The following MMP26 variants were observed in gnomAD, a reference collection of about 807,000 sequenced individuals.
MMP26 encodes the protein matrix metalloproteinase-26.
Under a neutral mutation model 31.0 loss-of-function variants are expected in MMP26, and 33 were observed. The observed-to-expected ratio is 1.06, with a 90% CI of 0.81 to 1.42. MMP26 has a LOEUF of 1.42. MMP26 is among the 40% of genes most tolerant of loss of function. The pLI, the probability that MMP26 is intolerant of heterozygous loss-of-function variation, is 0.00. For synonymous variants in MMP26, 122 were observed against 114.9 expected, an observed-to-expected ratio of 1.06 and a Z score of -0.40; for missense variants, 347 against 316.1, an observed-to-expected ratio of 1.10 and a Z score of -0.74.
At chr11:4,944,745 C>G (rs1342074076) in intron 2 of MMP26, 1 of 151,738 alleles carries the variant, frequency 6.6e-6, no homozygotes, top group Non-Finnish European at 1.5e-5. Flanking sequence ...AGCCACAAAT[C>G]CAAGGCAATA....
intron 2 of MMP26, among the ~76,000 whole-genome samples, chr11:4,904,703 G>A (rs10500632): frequency 0.084 from 12,822 of 151,988 alleles, 673 homozygotes; most frequent in Non-Finnish European, 0.12. Flanking sequence ...TGACTTTACC[G>A]CTTAAAATAT....
chr11:4,786,493 CTT>C (rs66987352), intron 2 of MMP26, among the ~76,000 whole-genome samples: 24,052 of 56,656 alleles, frequency 0.42, 5,169 homozygotes, highest in Non-Finnish European at 0.47. Context: ...TCTGCTGATC[CTT>C]TTTTTTTTTT....
At chr11:4,748,465 C>A in intron 1 of MMP26, among the ~76,000 whole-genome samples, 1 of 150,978 alleles carries the variant, frequency 6.6e-6, no homozygotes, top group Non-Finnish European at 1.5e-5. Context: ...TCACCAATAC[C>A]AAAGCCAGGC....
intron 1 of MMP26, among the ~76,000 whole-genome samples, chr11:4,765,021 G>A (rs986822388): frequency 1.3e-5 from 2 of 152,146 alleles, no homozygotes; most frequent in Non-Finnish European, 2.9e-5. Flanking sequence ...AGCTGCTCTG[G>A]CTTCTCTTTG....
intron 1 of MMP26, among the ~76,000 whole-genome samples, chr11:4,715,340 T>TTAAA (rs372052898): frequency 6.9e-6 from 1 of 144,870 alleles, no homozygotes; most frequent in African/African-American, 2.5e-5. Flanking sequence ...TTTTTTCCTG[T>TTAAA]AAAAAAAAAA....
intron 2 of MMP26, chr11:4,847,371 C>T (rs75502329): frequency 3.3e-5 from 5 of 152,230 alleles, no homozygotes; most frequent in Non-Finnish European, 7.4e-5. Flanking sequence ...TATAAGTGTT[C>T]ACTAAACAGA....
chr11:4,808,923 C>A (rs1483919498), intron 2 of MMP26, among the ~76,000 whole-genome samples: 1 of 150,516 alleles, frequency 6.6e-6, no homozygotes, highest in African/African-American at 2.5e-5. Flanking sequence ...CCCTTATCTT[C>A]CTTTTCTCAC....
At chr11:4,815,409 G>A (rs11820108) in intron 2 of MMP26, among the ~76,000 whole-genome samples, 14,033 of 152,170 alleles carry the variant, frequency 0.092, 1,195 homozygotes, top group African/African-American at 0.23. Flanking sequence ...TGAGAGGCAG[G>A]TATGTAGCTT....
chr11:4,826,464 C>T (rs1225695303), intron 2 of MMP26, among the ~76,000 whole-genome samples: 1 of 152,006 alleles, frequency 6.6e-6, no homozygotes, highest in Non-Finnish European at 1.5e-5. Context: ...GCCTATGGTT[C>T]CAGGTTATGC....
At chr11:4,953,912 C>T (rs555504790) in intron 2 of MMP26, among the ~76,000 whole-genome samples, 3 of 124,604 alleles carry the variant, frequency 2.4e-5, no homozygotes, top group South Asian at 2.4e-4. Context: ...ATCAGCCAGG[C>T]GTGGTGACAT....
intron 2 of MMP26, among the ~76,000 whole-genome samples, chr11:4,885,600 T>C (rs1386198733): frequency 1.3e-5 from 2 of 152,138 alleles, no homozygotes; most frequent in East Asian, 3.9e-4. Flanking sequence ...GTAAATACGC[T>C]ATATGATAGT....
At chr11:4,945,437 G>A (rs1846280084) in intron 2 of MMP26, 1 of 152,624 alleles carries the variant, frequency 6.6e-6, no homozygotes, top group Non-Finnish European at 1.5e-5. Context: ...TAGGGTCTTA[G>A]AATATGTTCC....
chr11:4,795,993 T>C (rs573788789), intron 2 of MMP26, among the ~76,000 whole-genome samples: 1 of 152,306 alleles, frequency 6.6e-6, no homozygotes, highest in East Asian at 1.9e-4. Flanking sequence ...TTTCCTTTTT[T>C]TCCCTTTGGA....
At chr11:4,820,750 G>C (rs983985841) in intron 2 of MMP26, among the ~76,000 whole-genome samples, 3 of 152,062 alleles carry the variant, frequency 2.0e-5, no homozygotes, top group Non-Finnish European at 4.4e-5. Context: ...GTGATTAATT[G>C]CTGAGTCTTA....
chr11:4,832,915 T>C (rs184413636), intron 2 of MMP26: 1 of 190,418 alleles, frequency 5.3e-6, no homozygotes, highest in Admixed American at 4.9e-5. Context: ...TTGGCTACCA[T>C]GCGTCGCTTT....
chr11:4,717,096 CTGCTCGACAA>C (rs1177360042), intron 1 of MMP26, among the ~76,000 whole-genome samples: 3 of 152,242 alleles, frequency 2.0e-5, no homozygotes, highest in African/African-American at 7.2e-5. Context: ...TTATCAGCCT[CTGCTCGACAA>C]TTCTTTACTT....
At chr11:4,953,528 T>C (rs1366642852) in intron 2 of MMP26, among the ~76,000 whole-genome samples, 1 of 125,008 alleles carries the variant, frequency 8.0e-6, no homozygotes, top group African/African-American at 2.7e-5. Context: ...TTGGGCTAGG[T>C]AATTTATGAT....
rs201085695 is a variant in MMP26 at position 4,803,573 on chromosome 11, C to T, written c.-145+36232C>T. The stretch of plus-strand genomic sequence containing the variant: ...AGGATGTGTACAACTCGGGGCACAT[C>T]ATGGCCAAAGCGGTAGGTGAGGAAA... On this transcript the variant is annotated intron_variant, in intron 2 of 7. Transcript: ENST00000380390. The T allele has an allele frequency of 2.0e-4, 319 of 1,613,862 alleles. No homozygotes were observed. The highest frequency in any genetic ancestry group is 2.5e-4 in the Non-Finnish European group (294 of 1,180,014).
rs1846355323 is a variant in MMP26 at position 4,949,889 on chromosome 11, A to AT, written c.-144-38178dup. Among the ~76,000 whole-genome samples the AT allele has an allele frequency of 1.6e-5, 2 of 123,346 alleles. 1 individual carries two copies. The highest frequency in any genetic ancestry group is 5.5e-5 in the African/African-American group (2 of 36,648). The allele number at this position is 123,346 out of a possible 152,430, so 80.9% of individuals were successfully genotyped here. On this transcript the variant is annotated intron_variant, in intron 2 of 7. Transcript: ENST00000380390. ...TATGTATACCCATTTCAGGGTATAC[A>AT]TACCCATTTCAGGTACCCAGAATAT...
Sources: allele counts gnomAD v4.1 joint callset (sites outside exome capture counted in the v4.1 genomes callset), GRCh38; gene constraint gnomAD v4.1.1; transcripts MANE v1.5; gene names NCBI Gene and HGNC (gene_info 2026-07-23, HGNC 2026-07-21).